Variants in TNRC6A observed in about 807,000 individuals in gnomAD.
TNRC6A encodes trinucleotide repeat containing adaptor 6A, also known as trinucleotide repeat-containing gene 6A protein.
Under a neutral mutation model 221.2 loss-of-function variants are expected in TNRC6A, and 44 were observed. The ratio of observed to expected loss-of-function variants is 0.20; its 90% CI spans 0.16 to 0.26. The LOEUF is 0.26. Among genes scored for constraint, TNRC6A ranks in the 10% least tolerant of loss-of-function variants. The pLI, the probability that TNRC6A is intolerant of heterozygous loss-of-function variation, is 1.00. For synonymous variants in TNRC6A, 847 were observed against 838.5 expected, an observed-to-expected ratio of 1.01 and a Z score of -0.18; for missense variants, 2,199 against 2,404.4, an observed-to-expected ratio of 0.91 and a Z score of 1.79.
chr16:24,729,200 T>G (rs1303852657), upstream of TNRC6A, among the ~76,000 whole-genome samples: 4 of 151,796 alleles, frequency 2.6e-5, no homozygotes, highest in East Asian at 7.7e-4. Flanking sequence ...GCAGAGAGGT[T>G]AAATAACTGG....
chr16:24,661,382 A>C (rs1334727410), intron 2 of TNRC6A: 2 of 151,236 alleles, frequency 1.3e-5, no homozygotes, highest in East Asian at 3.9e-4. Context: ...TTTTGACCTC[A>C]CCTAAAAGTC....
intron 2 of TNRC6A, among the ~76,000 whole-genome samples, chr16:24,645,834 CA>C (rs36106864): frequency 0.065 from 1,685 of 25,990 alleles, 2 homozygotes; most frequent in Non-Finnish European, 0.076. Context: ...CCTGTATCTA[CA>C]AAAAAAAAAA....
chr16:24,792,785 ATTTT>A (rs34453471), intron 6 of TNRC6A, among the ~76,000 whole-genome samples: 3 of 120,424 alleles, frequency 2.5e-5, no homozygotes, highest in Admixed American at 8.8e-5. Flanking sequence ...TTGTGGCACA[ATTTT>A]TTTTTTTTTT....
chr16:24,823,758 A>G lies in TNRC6A; in HGVS notation c.5840A>G (p.Asn1947Ser). The G allele has an allele frequency of 6.7e-7, 1 of 1,492,990 alleles. No homozygotes were observed. Among genetic ancestry groups the G allele is most frequent in the Non-Finnish European group, 8.9e-7 (1 of 1,121,548 alleles). 92.5% of individuals were successfully genotyped at this position (1,492,990 alleles called of 1,614,324 possible). The change falls in exon 25 of 25, where the codon AAC (asparagine) becomes AGC (serine). Residue 1947 changes from asparagine to serine, a missense_variant. Asn to Ser is a conservative substitution (Grantham distance 46, BLOSUM62 1). This residue lies in a region of TNRC6A where 130 missense variants were observed against 121.7 expected (regional missense o/e 1.07). Transcript: ENST00000395799. This position sits in a 1 kb window ranked among gnomAD's most constrained non-coding sequence, Gnocchi z 4.3. ...GGAATTAGCAGCCCATCTCCCATTA[A>G]CGCTTTTCTTTCTGTTGACCACCTG... ...PRGISSPSPINAFLSVDHLGG... is the reference protein window; with the variant it reads ...PRGISSPSPISAFLSVDHLGG...
chr16:24,656,019 T>C (rs1293391402), intron 2 of TNRC6A, among the ~76,000 whole-genome samples: 3 of 151,282 alleles, frequency 2.0e-5, no homozygotes, highest in Non-Finnish European at 2.9e-5. Context: ...GGTGAGTGCC[T>C]GTGGTCCCAG....
chr16:24,824,769 T>TA lies in TNRC6A; in HGVS notation c.*979dup, dbSNP rs35913858. 0.26 allele frequency: 35,455 copies of TA among 135,578 alleles called. 5,159 individuals are homozygous for TA. The highest frequency in any genetic ancestry group is 0.41 in the Middle Eastern group (113 of 278). 8.4% of individuals were successfully genotyped at this position (135,578 alleles called of 1,614,324 possible). On this transcript the variant is annotated 3_prime_UTR_variant, in exon 25 of 25. Coordinates refer to ENST00000395799, the MANE Select transcript of TNRC6A (RefSeq NM_014494.4). ...TCTCAGGAAAACCAGTTCCCCAGTTTAAAAAAAAAAAAAAAAATTCCTTGT... is the reference window on the plus strand; with the variant it reads ...TCTCAGGAAAACCAGTTCCCCAGTTTAAAAAAAAAAAAAAAAAATTCCTTGT...
At chr16:24,797,705 T>C in intron 10 of TNRC6A, 135 bp downstream of exon 10, 2 of 906,110 alleles carry the variant, frequency 2.2e-6, no homozygotes, top group Non-Finnish European at 3.2e-6. Flanking sequence ...AAAATCGGCC[T>C]CCAAACCTTC....
At chr16:24,646,653 A>T (rs1171405464) in intron 2 of TNRC6A, among the ~76,000 whole-genome samples, 1 of 152,170 alleles carries the variant, frequency 6.6e-6, no homozygotes, top group Non-Finnish European at 1.5e-5. Flanking sequence ...TCTAAGTGAA[A>T]TTTTTTTGGT....
At chr16:24,696,728 C>CAAAGAAGAA (rs1555490664) in intron 2 of TNRC6A, among the ~76,000 whole-genome samples, 17 of 45,148 alleles carry the variant, frequency 3.8e-4, no homozygotes, top group African/African-American at 1.9e-3. Context: ...GACCCTGTCT[C>CAAAGAAGAA]AAAAAAAAAA....
In TNRC6A at chr16:24,808,727, A is replaced by C. The variant is rs1002080540; in HGVS notation, c.4541-623A>C. Among the ~76,000 whole-genome samples the C allele has an allele frequency of 5.0e-4, 76 of 152,230 alleles. 1 individual carries two copies. The highest frequency in any genetic ancestry group is 1.7e-3 in the African/African-American group (72 of 41,462). On this transcript the variant is annotated intron_variant, in intron 17 of 24. Transcript: ENST00000395799. The stretch of plus-strand genomic sequence containing the variant: ...ATTTAATTTGGAACTTTAGAATAAG[A>C]ACCTCTTGGGAATTGTGAAACAAAG...
At chr16:24,732,313 G>A (rs2056663490) in intron 2 of TNRC6A, among the ~76,000 whole-genome samples, 1 of 152,204 alleles carries the variant, frequency 6.6e-6, no homozygotes, top group Non-Finnish European at 1.5e-5. Context: ...AGGAAATCAA[G>A]GCATTGTATT....
intron 2 of TNRC6A, among the ~76,000 whole-genome samples, chr16:24,734,918 A>G (rs1324069109): frequency 3.3e-5 from 5 of 152,246 alleles, no homozygotes; most frequent in South Asian, 2.1e-4. Context: ...GCTATATACC[A>G]TATAATGTTG....
chr16:24,741,891 C>T (rs1486778099), intron 2 of TNRC6A, among the ~76,000 whole-genome samples: 9 of 152,092 alleles, frequency 5.9e-5, no homozygotes, highest in Admixed American at 5.2e-4. Context: ...GGCTGGAATA[C>T]AGTGGCGTGA....
chr16:24,793,299 T>C (rs1159963435), intron 6 of TNRC6A, 174 bp from the exon 7 acceptor site: 3 of 415,492 alleles, frequency 7.2e-6, no homozygotes, highest in Non-Finnish European at 1.3e-5. Flanking sequence ...GGAAATAGTT[T>C]GTCTTTTTTT....
chr16:24,727,073 A>C (rs112887802), upstream of TNRC6A, among the ~76,000 whole-genome samples: 1,105 of 144,968 alleles, frequency 7.6e-3, 9 homozygotes, highest in African/African-American at 0.027. Flanking sequence ...GTTGTTGCCC[A>C]GGCTGGAGTG....
At chr16:24,809,311 GT>G in intron 17 of TNRC6A, 38 bp from the exon 18 acceptor site, 1 of 1,460,462 alleles carries the variant, frequency 6.8e-7, no homozygotes, top group Non-Finnish European at 9.1e-7. Flanking sequence ...AAAATGTGCT[GT>G]ATTTTCTAAG....
intron 2 of TNRC6A, among the ~76,000 whole-genome samples, chr16:24,657,821 T>C (rs2141890075): frequency 6.6e-6 from 1 of 152,292 alleles, no homozygotes; most frequent in Non-Finnish European, 1.5e-5. Context: ...CATTGCATTT[T>C]TGAGATAATT....
intron 8 of TNRC6A, 132 bp from the exon 9 acceptor site, chr16:24,795,773 AAG>A (rs2058206382): frequency 1.5e-6 from 1 of 684,344 alleles, no homozygotes; most frequent in African/African-American, 1.8e-5. Flanking sequence ...GAGACTGGAA[AAG>A]GTGGTGACTT....
At chr16:24,817,470 G>A (rs976712261) in intron 20 of TNRC6A, among the ~76,000 whole-genome samples, 22 of 152,078 alleles carry the variant, frequency 1.4e-4, no homozygotes, top group African/African-American at 4.6e-4. Flanking sequence ...CTGGAAGAGC[G>A]AATTAGGCTG....
Sources: gnomAD v4.1 joint callset for allele counts (sites outside exome capture counted in the v4.1 genomes callset) on GRCh38, gnomAD v4.1.1 for gene constraint, gnomAD v4.1.1 regional missense constraint, Gnocchi (gnomAD v3.1) non-coding constraint, MANE v1.5 for transcripts, NCBI Gene and HGNC (gene_info 2026-07-23, HGNC 2026-07-21) for gene names.